PTN: variants seen among roughly 807,000 people sequenced by gnomAD.
PTN encodes pleiotrophin.
Under a neutral mutation model 24.1 loss-of-function variants are expected in PTN, and 18 were observed. The ratio of observed to expected loss-of-function variants is 0.75; its 90% CI spans 0.52 to 1.11. PTN has a LOEUF of 1.11. Ranked by LOEUF, PTN falls within the 50% of genes least tolerant of loss-of-function variation. PTN has a pLI of 0.00. For missense variants in PTN, 163 were observed against 198.8 expected (o/e 0.82, Z 1.08); for synonymous variants, 78 against 68.6 (o/e 1.14, Z -0.67).
At chr7:137,253,097 A>G (rs944781100) in intron 3 of PTN, among the ~76,000 whole-genome samples, 2 of 152,210 alleles carry the variant, frequency 1.3e-5, no homozygotes, top group Non-Finnish European at 2.9e-5. Context: ...ATTCAGAGGA[A>G]TCAAGGATAT....
intron 4 of PTN, among the ~76,000 whole-genome samples, chr7:137,228,328 T>C (rs1254204851): frequency 6.6e-6 from 1 of 151,794 alleles, no homozygotes; most frequent in Non-Finnish European, 1.5e-5. Context: ...CATAGCCTGC[T>C]TCTGTGTTAA....
chr7:137,277,065 C>T (rs1411583598), intron 1 of PTN, among the ~76,000 whole-genome samples: 1 of 152,098 alleles, frequency 6.6e-6, no homozygotes, highest in Non-Finnish European at 1.5e-5. Flanking sequence ...ATTTTATCTA[C>T]AACACATAAA....
At chr7:137,236,223 G>A (rs370010820) in intron 4 of PTN, 5 of 702,318 alleles carry the variant, frequency 7.1e-6, no homozygotes, top group South Asian at 3.0e-5. Flanking sequence ...CCCCACTCCT[G>A]TGTCTCCATT....
At chr7:137,270,480 A>G (rs1376023214) in intron 1 of PTN, among the ~76,000 whole-genome samples, 1 of 152,216 alleles carries the variant, frequency 6.6e-6, no homozygotes, top group Non-Finnish European at 1.5e-5. Context: ...TAGTTAACAA[A>G]TTTATTTATA....
chr7:137,343,042 T>C (rs1810560804), intron 1 of PTN, among the ~76,000 whole-genome samples: 1 of 152,080 alleles, frequency 6.6e-6, no homozygotes. Flanking sequence ...GAGCTGCTTG[T>C]TCAGGCTGCC....
intron 1 of PTN, among the ~76,000 whole-genome samples, chr7:137,333,992 T>C (rs536347672): frequency 3.9e-5 from 6 of 152,248 alleles, no homozygotes; most frequent in East Asian, 1.9e-4. Flanking sequence ...TAGCCATATG[T>C]AGAAAGCTGA....
intron 4 of PTN, among the ~76,000 whole-genome samples, chr7:137,234,400 G>C (rs139708791): frequency 6.6e-6 from 1 of 151,846 alleles, no homozygotes; most frequent in Non-Finnish European, 1.5e-5. Flanking sequence ...GATATGTGTC[G>C]GGAAATTTAT....
intron 4 of PTN, among the ~76,000 whole-genome samples, chr7:137,230,716 A>T (rs1459748223): frequency 6.6e-6 from 1 of 151,848 alleles, no homozygotes; most frequent in Non-Finnish European, 1.5e-5. Flanking sequence ...ACTTATTAAC[A>T]ACCTCTCAAT....
intron 1 of PTN, among the ~76,000 whole-genome samples, chr7:137,262,794 T>C (rs966198325): frequency 1.3e-5 from 2 of 152,328 alleles, no homozygotes; most frequent in Middle Eastern, 3.4e-3. Flanking sequence ...ATACAATGTC[T>C]GGAATCTATA....
At chr7:137,249,852 C>A (rs1337682139) in intron 4 of PTN, among the ~76,000 whole-genome samples, 1 of 152,142 alleles carries the variant, frequency 6.6e-6, no homozygotes, top group Non-Finnish European at 1.5e-5. Context: ...GACTCACCAC[C>A]TGCAGGTCCA....
chr7:137,255,807 GAA>G (rs1808911900), intron 1 of PTN, among the ~76,000 whole-genome samples: 1 of 152,170 alleles, frequency 6.6e-6, no homozygotes, highest in Admixed American at 6.5e-5. Flanking sequence ...ACACCCTTGA[GAA>G]AGTTTCAGTC....
Position 137,340,605 on chromosome 7 carries a change from G to A in PTN, c.-2+2834C>T, listed in dbSNP as rs374811114. On this transcript the variant is annotated intron_variant, in intron 1 of 4. Coordinates refer to ENST00000348225, the MANE Select transcript of PTN (RefSeq NM_002825.7). The stretch of plus-strand genomic sequence containing the variant: ...TCATATCTGAGTATCATCTTACTTC[G>A]CCTCCCACAGCAGTGACATGACCTT... Among the ~76,000 whole-genome samples the A allele has an allele frequency of 2.3e-3, 354 of 152,238 alleles. 5 individuals are homozygous for A. Among genetic ancestry groups the A allele is most frequent in the African/African-American group, 8.1e-3 (338 of 41,544 alleles).
At chr7:137,325,439 T>A (rs979603003) in intron 1 of PTN, 2 of 152,448 alleles carry the variant, frequency 1.3e-5, no homozygotes, top group African/African-American at 4.8e-5. Flanking sequence ...AGGGAGTGTC[T>A]TCACATCCCA....
intron 1 of PTN, chr7:137,287,570 A>G (rs1303111170): frequency 6.6e-6 from 1 of 152,202 alleles, no homozygotes; most frequent in African/African-American, 2.4e-5. Context: ...GACATATAAA[A>G]TATACTATAT....
intron 1 of PTN, among the ~76,000 whole-genome samples, chr7:137,313,177 CA>C (rs1173453555): frequency 3.9e-5 from 6 of 152,080 alleles, no homozygotes; most frequent in African/African-American, 1.4e-4. Flanking sequence ...CTGATTTCCC[CA>C]CCTCCAAATA....
At chr7:137,312,833 G>C (rs1168754341) in intron 1 of PTN, among the ~76,000 whole-genome samples, 1 of 152,060 alleles carries the variant, frequency 6.6e-6, no homozygotes, top group East Asian at 1.9e-4. Context: ...TGAATTAGGT[G>C]ATATTAAAAC....
chr7:137,263,466 C>A (rs1809079347), intron 1 of PTN, among the ~76,000 whole-genome samples: 2 of 152,108 alleles, frequency 1.3e-5, no homozygotes, highest in Non-Finnish European at 2.9e-5. Context: ...GATAGCATTT[C>A]TTATCTGAGT....
intron 1 of PTN, among the ~76,000 whole-genome samples, chr7:137,295,572 T>C (rs1332296608): frequency 5.9e-5 from 9 of 152,008 alleles, no homozygotes; most frequent in South Asian, 2.1e-4. Context: ...TCAAAAGCAG[T>C]ATGAAAAAAA....
At chr7:137,343,372 G>T in intron 1 of PTN, 67 bp downstream of exon 1, 1 of 427,508 alleles carries the variant, frequency 2.3e-6, no homozygotes, top group Non-Finnish European at 4.8e-6. Context: ...ACCCAGAAAA[G>T]TGGCACAGGG....
Sources: allele counts gnomAD v4.1 joint callset (sites outside exome capture counted in the v4.1 genomes callset), GRCh38; gene constraint gnomAD v4.1.1; transcripts MANE v1.5; gene names NCBI Gene and HGNC (gene_info 2026-07-23, HGNC 2026-07-21).